Variants in ULK4 observed in about 807,000 individuals in gnomAD.
The protein encoded by ULK4 is unc-51 like kinase 4, also known as inactive serine/threonine-protein kinase ULK4.
Under a neutral mutation model 160.6 loss-of-function variants are expected in ULK4, and 133 were observed. That is an observed-to-expected ratio of 0.83 (90% CI 0.72 to 0.96). ULK4 has a LOEUF of 0.96. Among genes scored for constraint, ULK4 ranks in the 40% least tolerant of loss-of-function variants. The pLI is 0.00. For missense variants in ULK4, 1,580 were observed against 1,499.5 expected, an observed-to-expected ratio of 1.05 and a Z score of -0.89; for synonymous variants, 534 against 539.8, an observed-to-expected ratio of 0.99 and a Z score of 0.15.
chr3:41,783,197 G>C (rs1180971147), intron 21 of ULK4, among the ~76,000 whole-genome samples: 1 of 131,884 alleles, frequency 7.6e-6, no homozygotes, highest in South Asian at 2.2e-4. Flanking sequence ...TTGGCCTTTG[G>C]TGTTCTGATT....
At chr3:41,508,485 C>A (rs2085468475) in intron 32 of ULK4, among the ~76,000 whole-genome samples, 1 of 152,128 alleles carries the variant, frequency 6.6e-6, no homozygotes, top group African/African-American at 2.4e-5. Context: ...ACAGGCAATG[C>A]ACTTTTGAAA....
chr3:41,590,461 C>CAAAAAAAAAAAAAAAA (rs71075479), intron 31 of ULK4, among the ~76,000 whole-genome samples: 3 of 56,876 alleles, frequency 5.3e-5, no homozygotes, highest in African/African-American at 1.4e-4. Flanking sequence ...ACTAAAAATA[C>CAAAAAAAAAAAAAAAA]AAAAAAAAAA....
intron 32 of ULK4, among the ~76,000 whole-genome samples, chr3:41,562,000 T>G (rs2700462): frequency 0.56 from 84,924 of 151,962 alleles, 26,445 homozygotes; most frequent in Admixed American, 0.7. Flanking sequence ...GGGCATTTAG[T>G]GCCATAAATT....
chr3:41,463,200 C>G lies in ULK4; in HGVS notation c.3280G>C (p.Asp1094His), dbSNP rs780125913. The G allele has an allele frequency of 1.2e-6, 2 of 1,613,480 alleles. No individual in the cohort carries two copies. The highest frequency in any genetic ancestry group is 1.1e-5 in the South Asian group (1 of 91,056). ...TCATTGTTGTTTTTATTGTCCACAT[C>G]CAAGCACAGTGTGGCAGTTTCAGTG... ...LLTETATLCL[D>H]VDNKNNNEMA... Residue 1094 changes from aspartate to histidine, a missense_variant, in exon 33 of 37, where the codon GAT (aspartate) becomes CAT (histidine). Coordinates refer to ENST00000301831, the MANE Select transcript of ULK4 (RefSeq NM_017886.4).
chr3:41,774,402 A>C (rs539444765), intron 21 of ULK4, among the ~76,000 whole-genome samples: 36 of 150,944 alleles, frequency 2.4e-4, no homozygotes, highest in Non-Finnish European at 4.0e-4. Context: ...CCCATCACAA[A>C]GTGGGCAAAG....
intron 31 of ULK4, among the ~76,000 whole-genome samples, chr3:41,584,905 A>G (rs1475138732): frequency 6.6e-6 from 1 of 152,328 alleles, no homozygotes; most frequent in African/African-American, 2.4e-5. Context: ...TCCATTTACA[A>G]TAGCATCAAA....
chr3:41,293,007 G>T (rs1315268705), intron 35 of ULK4, among the ~76,000 whole-genome samples: 1 of 151,764 alleles, frequency 6.6e-6, no homozygotes, highest in Non-Finnish European at 1.5e-5. Flanking sequence ...CTGTAGTCCC[G>T]GTCACTTGGG....
intron 21 of ULK4, among the ~76,000 whole-genome samples, chr3:41,770,725 C>A (rs1485377229): frequency 2.6e-5 from 4 of 152,052 alleles, no homozygotes; most frequent in African/African-American, 9.7e-5. Flanking sequence ...GTTGGCCAGG[C>A]TGGTCTTGAA....
chr3:41,618,342 A>G (rs1447656433), intron 30 of ULK4, among the ~76,000 whole-genome samples: 1 of 152,224 alleles, frequency 6.6e-6, no homozygotes, highest in Non-Finnish European at 1.5e-5. Flanking sequence ...CAAGGTTGAA[A>G]TGAAGGAAAA....
intron 32 of ULK4, among the ~76,000 whole-genome samples, chr3:41,503,949 A>T (rs2085295566): frequency 6.6e-6 from 1 of 152,220 alleles, no homozygotes; most frequent in Non-Finnish European, 1.5e-5. Flanking sequence ...TGATTTTAGA[A>T]ATAGAAAAGG....
At chr3:41,821,988 A>G (rs1452138948) in intron 18 of ULK4, among the ~76,000 whole-genome samples, 1 of 151,800 alleles carries the variant, frequency 6.6e-6, no homozygotes, top group African/African-American at 2.4e-5. Context: ...CTCTCTCCTA[A>G]TTTTGCTCCT....
chr3:41,775,464 T>C (rs2039576430), intron 21 of ULK4, among the ~76,000 whole-genome samples: 1 of 149,100 alleles, frequency 6.7e-6, no homozygotes. Context: ...AGTGGTGCAA[T>C]CTGGGCTCAC....
chr3:41,500,479 G>A (rs1003186133), intron 32 of ULK4, among the ~76,000 whole-genome samples: 2 of 152,064 alleles, frequency 1.3e-5, no homozygotes, highest in African/African-American at 2.4e-5. Context: ...GGGGTATTGA[G>A]GGCAAGGAGA....
At chr3:41,746,893 T>C (rs1318253304) in intron 22 of ULK4, among the ~76,000 whole-genome samples, 1 of 151,918 alleles carries the variant, frequency 6.6e-6, no homozygotes, top group Non-Finnish European at 1.5e-5. Flanking sequence ...AGCAACTGAA[T>C]GCAGGAAAGA....
At chr3:41,524,397 T>C (rs1229203160) in intron 32 of ULK4, among the ~76,000 whole-genome samples, 3 of 152,178 alleles carry the variant, frequency 2.0e-5, no homozygotes, top group African/African-American at 7.2e-5. Flanking sequence ...CACCTCTTAC[T>C]CCTTTGAATG....
At chr3:41,552,681 T>C (rs1225847346) in intron 32 of ULK4, among the ~76,000 whole-genome samples, 7 of 151,942 alleles carry the variant, frequency 4.6e-5, no homozygotes, top group Admixed American at 2.6e-4. Flanking sequence ...AAAAGCTATA[T>C]TGAGTCATAG....
chr3:41,904,397 C>G (rs1575920841), intron 12 of ULK4, among the ~76,000 whole-genome samples: 3 of 152,214 alleles, frequency 2.0e-5, no homozygotes, highest in Non-Finnish European at 4.4e-5. Flanking sequence ...CCCCTCCACT[C>G]CAGCCTAGGT....
rs1048036368 is a variant in ULK4, at chr3:41,463,142, T to C, written c.3338A>G (p.Asp1113Gly). Residue 1113 changes from aspartate to glycine, a missense_variant, in exon 33 of 37, where the codon GAT becomes GGT. Physicochemically the swap from Asp to Gly is moderately conservative, Grantham distance 94. Coordinates refer to ENST00000301831, the MANE Select transcript of ULK4 (RefSeq NM_017886.4). ...MAAPLLFSLL[D>G]ILHSMLTYTS... Reference sequence around the variant, plus strand: ...ATAGGTCAGCATGCTGTGCAAAATATCAAGCAGGGAAAAGAGCAGTGGAGC... The same window carrying C: ...ATAGGTCAGCATGCTGTGCAAAATACCAAGCAGGGAAAAGAGCAGTGGAGC... 1.9e-6 allele frequency: 3 copies of C among 1,613,718 alleles called. No homozygotes were observed. The highest frequency in any genetic ancestry group is 3.3e-5 in the Admixed American group (2 of 60,000).
chr3:41,569,059 G>T (rs1252718662), intron 31 of ULK4, among the ~76,000 whole-genome samples: 1 of 152,228 alleles, frequency 6.6e-6, no homozygotes, highest in Admixed American at 6.5e-5. Flanking sequence ...CATAGTGCAA[G>T]GTATGGGGGA....
Sources: allele counts gnomAD v4.1 joint callset (sites outside exome capture counted in the v4.1 genomes callset), GRCh38; gene constraint gnomAD v4.1.1; transcripts MANE v1.5; gene names NCBI Gene and HGNC (gene_info 2026-07-23, HGNC 2026-07-21).